PLXDC2: variants seen among roughly 807,000 people sequenced by gnomAD.
PLXDC2 encodes the protein plexin domain containing 2.
Under a neutral mutation model 68.9 loss-of-function variants are expected in PLXDC2, and 40 were observed. The observed-to-expected ratio is 0.58, with a 90% CI of 0.45 to 0.76. PLXDC2 has a LOEUF of 0.76. PLXDC2 is among the 30% of genes least tolerant of loss of function. The pLI, the probability that PLXDC2 is intolerant of heterozygous loss-of-function variation, is 0.00. For missense variants in PLXDC2, 644 were observed against 661.9 expected (o/e 0.97, Z 0.30); for synonymous variants, 243 against 234.2 (o/e 1.04, Z -0.34).
At chr10:20,093,211 G>A (rs541632015) in intron 4 of PLXDC2, among the ~76,000 whole-genome samples, 187 of 152,142 alleles carry the variant, frequency 1.2e-3, no homozygotes, top group African/African-American at 4.3e-3. Context: ...TTTATGGAAT[G>A]ATTTCGTGTA....
At chr10:19,975,540 CCT>C (rs899026925) in intron 1 of PLXDC2, among the ~76,000 whole-genome samples, 2 of 151,940 alleles carry the variant, frequency 1.3e-5, no homozygotes, top group African/African-American at 4.8e-5. Flanking sequence ...TAATCCAGCC[CCT>C]GTCACACACC....
At chr10:20,054,605 A>T (rs1835962172) in intron 3 of PLXDC2, among the ~76,000 whole-genome samples, 1 of 152,132 alleles carries the variant, frequency 6.6e-6, no homozygotes, top group Non-Finnish European at 1.5e-5. Context: ...TCGCAAGGAC[A>T]AAAAACCAAA....
At chr10:20,063,064 AG>A (rs1193848101) in intron 3 of PLXDC2, among the ~76,000 whole-genome samples, 1 of 152,312 alleles carries the variant, frequency 6.6e-6, no homozygotes, top group Admixed American at 6.5e-5. Context: ...CCTATTTGAG[AG>A]TTTCAGGAGA....
chr10:20,206,180 C>A (rs1298535881), intron 9 of PLXDC2, among the ~76,000 whole-genome samples: 6 of 149,810 alleles, frequency 4.0e-5, no homozygotes, highest in Admixed American at 3.3e-4. Flanking sequence ...TACAATCATT[C>A]AAAAAAAAAG....
At chr10:19,913,414 C>G (rs113097654) in intron 1 of PLXDC2, among the ~76,000 whole-genome samples, 1,669 of 152,258 alleles carry the variant, frequency 0.011, 31 homozygotes, top group African/African-American at 0.038. Context: ...AATTAAACCT[C>G]TTTTCTTTAT....
At position 20,268,980 on chromosome 10, in the gene PLXDC2, G is replaced by A. The variant is rs570924717; in HGVS notation, c.1474-10723G>A. Among the ~76,000 whole-genome samples the A allele has an allele frequency of 9.2e-5, 14 of 152,288 alleles. No individual in the cohort carries two copies. In the Middle Eastern group the frequency reaches 0.01, roughly 112 times the overall value. ...AAAAAATAAAGATATGCTGCTTAAA[G>A]CATTATTAACATATTATGAACTAAG... On this transcript the variant is annotated intron_variant, in intron 13 of 13. Transcript: ENST00000377252.
intron 1 of PLXDC2, among the ~76,000 whole-genome samples, chr10:19,881,528 G>A (rs1837727408): frequency 6.6e-6 from 1 of 151,908 alleles, no homozygotes; most frequent in South Asian, 2.1e-4. Flanking sequence ...TAGTAACTGT[G>A]AGCACTTTCT....
chr10:19,921,360 T>A, intron 1 of PLXDC2, among the ~76,000 whole-genome samples: 1 of 152,092 alleles, frequency 6.6e-6, no homozygotes, highest in Admixed American at 6.6e-5. Context: ...GATATATGAT[T>A]TTGTAGATGT....
intron 1 of PLXDC2, among the ~76,000 whole-genome samples, chr10:19,881,671 T>C (rs939222024): frequency 2.0e-5 from 3 of 152,166 alleles, no homozygotes; most frequent in Admixed American, 6.5e-5. Context: ...TGTTACATTA[T>C]TGAGAAAATG....
At chr10:20,155,882 A>G (rs902842439) in intron 6 of PLXDC2, among the ~76,000 whole-genome samples, 14 of 152,096 alleles carry the variant, frequency 9.2e-5, no homozygotes, top group African/African-American at 3.4e-4. Flanking sequence ...TATTTTATGT[A>G]TTATTATTAC....
At chr10:20,175,439 T>A (rs1281775739) in intron 7 of PLXDC2, among the ~76,000 whole-genome samples, 1 of 152,174 alleles carries the variant, frequency 6.6e-6, no homozygotes, top group Non-Finnish European at 1.5e-5. Context: ...CTCAACACTT[T>A]GGGAGACCAA....
chr10:20,105,371 G>A (rs1833478544), intron 4 of PLXDC2, among the ~76,000 whole-genome samples: 1 of 152,156 alleles, frequency 6.6e-6, no homozygotes, highest in Admixed American at 6.5e-5. Context: ...TGACTCTCAG[G>A]TAAAATGATT....
chr10:20,169,756 A>G (rs148916155), intron 7 of PLXDC2, among the ~76,000 whole-genome samples: 1 of 152,292 alleles, frequency 6.6e-6, no homozygotes, highest in Non-Finnish European at 1.5e-5. Flanking sequence ...ATGCCACTTA[A>G]GTAAAGAGAA....
intron 1 of PLXDC2, among the ~76,000 whole-genome samples, chr10:20,001,265 A>G (rs1424956310): frequency 6.6e-6 from 1 of 152,242 alleles, no homozygotes; most frequent in Non-Finnish European, 1.5e-5. Flanking sequence ...TTACACGAAG[A>G]CAATTTCATG....
chr10:20,177,312 C>G lies in PLXDC2; in HGVS notation c.980-16C>G, dbSNP rs756578181. ...GCCTGTTAGTCTTGGTGAATCTGTT[C>G]TTTCCTCTTCCCTAGCATGCCTCCA... On this transcript the variant is annotated splice_polypyrimidine_tract_variant and intron_variant, in intron 8 of 13. Coordinates refer to ENST00000377252, the MANE Select transcript of PLXDC2 (RefSeq NM_032812.9). The G allele has an allele frequency of 1.9e-6, 3 of 1,576,958 alleles. No homozygotes were observed. The highest frequency in any genetic ancestry group is 1.7e-5 in the Admixed American group (1 of 59,898).
intron 13 of PLXDC2, among the ~76,000 whole-genome samples, chr10:20,270,746 T>C (rs988342989): frequency 6.6e-6 from 1 of 152,044 alleles, no homozygotes; most frequent in Non-Finnish European, 1.5e-5. Flanking sequence ...GGTTTCACCA[T>C]GTTGGCCTCA....
At chr10:20,218,988 A>G in intron 11 of PLXDC2, 76 bp from the exon 12 acceptor site, 1 of 1,510,776 alleles carries the variant, frequency 6.6e-7, no homozygotes, top group East Asian at 2.3e-5. Context: ...GTTAGTAGAC[A>G]ATTACTAGTC....
chr10:20,097,658 A>G (rs1427174158), intron 4 of PLXDC2, among the ~76,000 whole-genome samples: 2 of 152,112 alleles, frequency 1.3e-5, no homozygotes, highest in Admixed American at 1.3e-4. Context: ...TATACTGTAC[A>G]GCCAAATCTA....
In PLXDC2 at chr10:19,872,729, G is replaced by C. The variant is rs529006595; in HGVS notation, c.112+55538G>C. Among the ~76,000 whole-genome samples the C allele has an allele frequency of 1.1e-3, 161 of 152,148 alleles. 1 individual carries two copies. The highest frequency in any genetic ancestry group is 4.1e-3 in the Admixed American group (63 of 15,276). On this transcript the variant is annotated intron_variant, in intron 1 of 13. Coordinates refer to ENST00000377252, the MANE Select transcript of PLXDC2 (RefSeq NM_032812.9). ...AGACAGGGTGGGGGTGATTGGGCTTGGGTCGGCATCCATGAGTTCCCTCCA... is the reference window on the plus strand; with the variant it reads ...AGACAGGGTGGGGGTGATTGGGCTTCGGTCGGCATCCATGAGTTCCCTCCA...
Sources: gnomAD v4.1 joint callset for allele counts (sites outside exome capture counted in the v4.1 genomes callset) on GRCh38, gnomAD v4.1.1 for gene constraint, MANE v1.5 for transcripts, NCBI Gene and HGNC (gene_info 2026-07-23, HGNC 2026-07-21) for gene names.